KTN1: variants seen among roughly 807,000 people sequenced by gnomAD.
KTN1 encodes the protein kinectin 1.
Under a neutral mutation model 222.5 loss-of-function variants are expected in KTN1, and 130 were observed. That is an observed-to-expected ratio of 0.58 (90% CI 0.51 to 0.68). The LOEUF (loss-of-function observed/expected upper bound fraction) is 0.68. KTN1 is among the 30% of genes least tolerant of loss of function. The pLI, the probability that KTN1 is intolerant of heterozygous loss-of-function variation, is 0.00. For missense variants in KTN1, 1,508 were observed against 1,500.4 expected, an observed-to-expected ratio of 1.01 and a Z score of -0.08; for synonymous variants, 512 against 496.3, an observed-to-expected ratio of 1.03 and a Z score of -0.42.
intron 1 of KTN1, among the ~76,000 whole-genome samples, chr14:55,592,130 G>C (rs2034261597): frequency 1.3e-5 from 2 of 152,050 alleles, no homozygotes; most frequent in South Asian, 4.1e-4. Flanking sequence ...ATTTATCAGT[G>C]TTTTCCTTTT....
intron 43 of KTN1, chr14:55,682,933 GTC>G (rs2046497429): frequency 1.3e-5 from 2 of 152,010 alleles, no homozygotes; most frequent in African/African-American, 4.8e-5. Context: ...TATTTGGTTT[GTC>G]AGTAGCGTAT....
At chr14:55,582,172 C>T (rs1192767529) in intron 1 of KTN1, among the ~76,000 whole-genome samples, 1 of 152,150 alleles carries the variant, frequency 6.6e-6, no homozygotes, top group Non-Finnish European at 1.5e-5. Flanking sequence ...AAGTATTTAA[C>T]TCTTAATGAT....
At chr14:55,679,719 A>T (rs138990054) in intron 43 of KTN1, 34 bp downstream of exon 43, 63 of 1,598,898 alleles carry the variant, frequency 3.9e-5, no homozygotes, top group Non-Finnish European at 5.4e-5. Flanking sequence ...GTCTATGGGT[A>T]ATTGATGTTA....
chr14:55,640,855 T>TAA (rs1459677653), intron 15 of KTN1, 78 bp from the exon 16 acceptor site: 1 of 1,120,776 alleles, frequency 8.9e-7, no homozygotes, highest in Non-Finnish European at 1.3e-6. Context: ...AGCTTTTTAA[T>TAA]ATGTAAAAAT....
intron 41 of KTN1, among the ~76,000 whole-genome samples, chr14:55,677,711 T>A (rs1448716169): frequency 6.6e-6 from 1 of 152,182 alleles, no homozygotes; most frequent in Admixed American, 6.5e-5. Context: ...TATTATATAT[T>A]TTTTGAGATG....
rs892692178 is a variant in KTN1 at position 55,650,278 on chromosome 14, G to A, written c.2406-50G>A. On this transcript the variant is annotated intron_variant, in intron 22 of 43. Transcript: ENST00000395314. ...TATTTGGTGCTATTTTTATATCTTG[G>A]TGGGTCTTGGTGATTTCTAATCAAA... 6.0e-6 allele frequency: 7 copies of A among 1,176,320 alleles called. No individual in the cohort carries two copies. In the East Asian group the frequency reaches 9.6e-5, roughly 16 times the overall value. 72.9% of individuals were successfully genotyped at this position (1,176,320 alleles called of 1,614,324 possible).
At chr14:55,648,721 A>G in intron 20 of KTN1, 81 bp from the exon 21 acceptor site, 1 of 912,352 alleles carries the variant, frequency 1.1e-6, no homozygotes, top group South Asian at 1.5e-5. Flanking sequence ...CAGCTAAAGA[A>G]ATGAGAAACT....
chr14:55,641,144 A>T lies in KTN1; in HGVS notation c.2039A>T (p.Asp680Val), dbSNP rs1042489817. 8 of 1,587,584 alleles carry T rather than the reference A, an allele frequency of 5.0e-6. No homozygotes were observed. Among genetic ancestry groups the T allele is most frequent in the Non-Finnish European group, 6.0e-6 (7 of 1,166,940 alleles). ...KMQQSVYVKD[D>V]KIRLLEEQLQ... ...CCTCATAGTGTTTATGTTAAAGATGATAAAATAAGATTGCTGGAAGAGCAA... is the reference window on the plus strand; with the variant it reads ...CCTCATAGTGTTTATGTTAAAGATGTTAAAATAAGATTGCTGGAAGAGCAA... The change falls in exon 17 of 44, where the codon GAT (aspartate) becomes GTT (valine). Residue 680 changes from aspartate to valine, a missense_variant. Physicochemically the swap from Asp to Val is radical, Grantham distance 152. Coordinates refer to ENST00000395314, the MANE Select transcript of KTN1 (RefSeq NM_001079521.2).
chr14:55,622,185 A>G (rs1279113230), intron 5 of KTN1, among the ~76,000 whole-genome samples: 1 of 152,098 alleles, frequency 6.6e-6, no homozygotes, highest in Admixed American at 6.5e-5. Context: ...GCCCTTGGCT[A>G]AACTGTACCG....
At chr14:55,650,095 T>C (rs562960326) in intron 22 of KTN1, among the ~76,000 whole-genome samples, 6 of 152,254 alleles carry the variant, frequency 3.9e-5, no homozygotes, top group Non-Finnish European at 7.4e-5. Context: ...ACAAATCTTA[T>C]ATTTCTGATG....
chr14:55,641,291 T>G, intron 17 of KTN1, 83 bp downstream of exon 17: 1 of 759,522 alleles, frequency 1.3e-6, no homozygotes, highest in South Asian at 2.0e-5. Flanking sequence ...AATACTACGT[T>G]TTGTATGAAG....
At chr14:55,656,878 T>C (rs905953162) in intron 29 of KTN1, among the ~76,000 whole-genome samples, 1 of 152,210 alleles carries the variant, frequency 6.6e-6, no homozygotes, top group Non-Finnish European at 1.5e-5. Context: ...TTGAATACTT[T>C]TACTAGTGTT....
At chr14:55,648,766 G>A (rs757457664) in intron 20 of KTN1, 36 bp from the exon 21 acceptor site, 6 of 1,368,480 alleles carry the variant, frequency 4.4e-6, no homozygotes, top group South Asian at 3.6e-5. Context: ...TTTTCAGAGA[G>A]TAAAATCATG....
At chr14:55,620,972 C>G (rs970788875) in intron 5 of KTN1, among the ~76,000 whole-genome samples, 1 of 152,196 alleles carries the variant, frequency 6.6e-6, no homozygotes, top group African/African-American at 2.4e-5. Flanking sequence ...CCTCTTAAAA[C>G]TGAATGCTGT....
intron 1 of KTN1, among the ~76,000 whole-genome samples, chr14:55,604,775 T>C (rs1414577391): frequency 6.6e-6 from 1 of 151,866 alleles, no homozygotes; most frequent in Non-Finnish European, 1.5e-5. Flanking sequence ...TATTCATAGG[T>C]TTGATTTAAG....
intron 11 of KTN1, 71 bp downstream of exon 11, chr14:55,637,435 A>T: frequency 8.5e-6 from 9 of 1,059,652 alleles, no homozygotes; most frequent in Non-Finnish European, 1.2e-5. Flanking sequence ...TGTCTAGAAG[A>T]GAGACTAAAG....
chr14:55,644,548 C>T, intron 18 of KTN1: 2 of 494,988 alleles, frequency 4.0e-6, no homozygotes, highest in South Asian at 2.8e-5. Flanking sequence ...ATTTCATTTA[C>T]TCAGAATAAG....
intron 1 of KTN1, among the ~76,000 whole-genome samples, chr14:55,600,319 A>G (rs952407681): frequency 6.6e-6 from 1 of 151,976 alleles, no homozygotes; most frequent in African/African-American, 2.4e-5. Flanking sequence ...TGAATGATAA[A>G]TTTTGAAGTA....
chr14:55,677,212 A>G (rs537600628), intron 41 of KTN1, among the ~76,000 whole-genome samples: 3 of 152,310 alleles, frequency 2.0e-5, no homozygotes, highest in Admixed American at 1.3e-4. Flanking sequence ...ATGGTGGCTC[A>G]CGCCTGTAAT....
Sources: allele counts gnomAD v4.1 joint callset (sites outside exome capture counted in the v4.1 genomes callset), GRCh38; gene constraint gnomAD v4.1.1; transcripts MANE v1.5; gene names NCBI Gene and HGNC (gene_info 2026-07-23, HGNC 2026-07-21).